Variants in SLC12A1 observed in about 807,000 individuals in gnomAD.
SLC12A1 encodes Na-K-2Cl cotransporter.
Under a neutral mutation model 130.4 loss-of-function variants are expected in SLC12A1, and 89 were observed. The ratio of observed to expected loss-of-function variants is 0.68; its 90% CI spans 0.58 to 0.81. The LOEUF (loss-of-function observed/expected upper bound fraction) is 0.81, where lower values mean the gene tolerates loss of function less well. SLC12A1 is among the 40% of genes least tolerant of loss of function. SLC12A1 has a pLI of 0.00. For missense variants in SLC12A1, 1,310 were observed against 1,336.4 expected (o/e 0.98, Z 0.31); for synonymous variants, 499 against 460.0 (o/e 1.08, Z -1.09).
intron 20 of SLC12A1, among the ~76,000 whole-genome samples, chr15:48,276,685 C>T (rs1400415214): frequency 2.6e-5 from 4 of 152,118 alleles, no homozygotes; most frequent in Non-Finnish European, 5.9e-5. Context: ...CTTGTTATGG[C>T]AGCCTGGGCG....
intron 16 of SLC12A1, among the ~76,000 whole-genome samples, chr15:48,256,127 C>G (rs2041704570): frequency 6.6e-6 from 1 of 152,202 alleles, no homozygotes; most frequent in South Asian, 2.1e-4. Flanking sequence ...TACAGCCCCT[C>G]ATAGTGCCAG....
intron 21 of SLC12A1, among the ~76,000 whole-genome samples, chr15:48,286,115 C>G (rs1423692426): frequency 6.6e-6 from 1 of 152,176 alleles, no homozygotes; most frequent in Non-Finnish European, 1.5e-5. Flanking sequence ...CGGCGCCAAC[C>G]CTTTAAAGAG....
chr15:48,216,411 T>G (rs2041122120), intron 2 of SLC12A1, among the ~76,000 whole-genome samples: 1 of 152,170 alleles, frequency 6.6e-6, no homozygotes, highest in African/African-American at 2.4e-5. Context: ...GATATTCTCA[T>G]CAATTCATAT....
chr15:48,259,736 A>T (rs1264331421), intron 17 of SLC12A1, among the ~76,000 whole-genome samples: 3 of 152,264 alleles, frequency 2.0e-5, no homozygotes, highest in Non-Finnish European at 4.4e-5. Flanking sequence ...CATAGAATTT[A>T]GATTAAATAT....
At chr15:48,210,344 G>T (rs1187570619) in intron 2 of SLC12A1, among the ~76,000 whole-genome samples, 1 of 152,064 alleles carries the variant, frequency 6.6e-6, no homozygotes, top group Non-Finnish European at 1.5e-5. Context: ...TAAAGTTAGT[G>T]TCACAATTTA....
At chr15:48,222,185 T>G (rs1171545806) in intron 4 of SLC12A1, 1 of 152,202 alleles carries the variant, frequency 6.6e-6, no homozygotes, top group Non-Finnish European at 1.5e-5. Context: ...CTCCAGGGTT[T>G]CATGCAAAAT....
In SLC12A1 at chr15:48,285,626, C is replaced by T. The variant is rs144528126; in HGVS notation, c.2629+377C>T. 3.1e-3 allele frequency among the ~76,000 whole-genome samples: 466 copies of T among 152,338 alleles called. 4 individuals are homozygous for T. The East Asian group carries it at 0.053, about 17-fold the overall frequency. ...AGACACCCTTACCTTTCAGACATTT[C>T]AGGGAACTGAAATACGACTAGTACA... is the stretch of plus-strand genomic sequence containing the variant. On this transcript the variant is annotated intron_variant, in intron 21 of 26. Coordinates refer to ENST00000380993, the MANE Select transcript of SLC12A1 (RefSeq NM_000338.3).
chr15:48,295,796 T>A (rs1457088168), intron 24 of SLC12A1, among the ~76,000 whole-genome samples: 2 of 152,158 alleles, frequency 1.3e-5, no homozygotes, highest in African/African-American at 2.4e-5. Flanking sequence ...GGAAGAGCCA[T>A]CCTCCTCTCT....
rs1054654115 is a variant in SLC12A1, at chr15:48,291,548, G to A, written c.2874-230G>A. Among the ~76,000 whole-genome samples, 28 of 152,112 alleles carry A rather than the reference G, an allele frequency of 1.8e-4. 1 individual carries two copies. Among genetic ancestry groups the A allele is most frequent in the Admixed American group, 6.6e-4 (10 of 15,264 alleles). ...CAGAGTTGGATTGGCTGTTGCCAGT[G>A]TCTGCACCTACAGGGGTTTCTTTAT... On this transcript the variant is annotated intron_variant, in intron 23 of 26. Transcript: ENST00000380993.
At position 48,291,843 on chromosome 15, in the gene SLC12A1, A is replaced by T. The variant is rs1489050788; in HGVS notation, c.2939A>T (p.Asn980Ile). The T allele has an allele frequency of 3.8e-6, 6 of 1,568,034 alleles. No individual in the cohort carries two copies. The highest frequency in any genetic ancestry group is 5.2e-6 in the Non-Finnish European group (6 of 1,154,026). The part of the protein sequence containing the change: ...FADIHIIGDI[N>I]IRPNKESWKV... The stretch of plus-strand genomic sequence containing the variant: ...GACATCCATATCATCGGTGACATCA[A>T]CATTAGGCCAAACAAAGAGAGGTAT... Residue 980 changes from asparagine (N) to isoleucine (I), a missense_variant, in exon 24 of 27, where the codon AAC (asparagine) becomes ATC (isoleucine). Coordinates refer to ENST00000380993, the MANE Select transcript of SLC12A1 (RefSeq NM_000338.3).
At chr15:48,299,512 G>C (rs2042210657) in intron 25 of SLC12A1, among the ~76,000 whole-genome samples, 1 of 152,106 alleles carries the variant, frequency 6.6e-6, no homozygotes. Context: ...TAGGTTATTG[G>C]TACATATTGT....
chr15:48,232,265 C>T (rs2041390205), intron 7 of SLC12A1, among the ~76,000 whole-genome samples: 1 of 152,224 alleles, frequency 6.6e-6, no homozygotes, highest in Non-Finnish European at 1.5e-5. Flanking sequence ...CAGCGGCAGC[C>T]TGACGTCAAG....
intron 15 of SLC12A1, among the ~76,000 whole-genome samples, chr15:48,254,344 G>A (rs575806533): frequency 6.6e-6 from 1 of 151,842 alleles, no homozygotes; most frequent in South Asian, 2.1e-4. Context: ...ACGTCCAATT[G>A]ACAAGTAGAG....
intron 20 of SLC12A1, among the ~76,000 whole-genome samples, chr15:48,275,138 CTT>C (rs1236064747): frequency 3.3e-5 from 5 of 152,252 alleles, no homozygotes; most frequent in African/African-American, 9.6e-5. Flanking sequence ...ATGAGTGACT[CTT>C]TGTTTTTTCC....
At chr15:48,281,719 T>C (rs981997609) in intron 20 of SLC12A1, among the ~76,000 whole-genome samples, 5 of 152,174 alleles carry the variant, frequency 3.3e-5, no homozygotes, top group Non-Finnish European at 5.9e-5. Flanking sequence ...AATGAGATAC[T>C]ATGTAGAAAG....
At chr15:48,231,669 G>A (rs1179269197) in intron 7 of SLC12A1, among the ~76,000 whole-genome samples, 1 of 152,114 alleles carries the variant, frequency 6.6e-6, no homozygotes, top group Non-Finnish European at 1.5e-5. Context: ...AAGAATGCAG[G>A]GAAAGTAAAT....
chr15:48,234,799 A>G, intron 8 of SLC12A1, 78 bp from the exon 9 acceptor site: 2 of 1,369,642 alleles, frequency 1.5e-6, no homozygotes. Context: ...ATTTAGGACT[A>G]GGGAAGCCAA....
chr15:48,302,670 A>G, intron 26 of SLC12A1, 80 bp from the exon 27 acceptor site: 1 of 805,196 alleles, frequency 1.2e-6, no homozygotes, highest in Non-Finnish European at 1.9e-6. Flanking sequence ...CCAGTTATTA[A>G]ATAGCTCAGA....
chr15:48,246,794 C>CAAG (rs386382919), intron 11 of SLC12A1, 115 bp from the exon 12 acceptor site: 30 of 820,976 alleles, frequency 3.7e-5, no homozygotes, highest in Non-Finnish European at 5.0e-5. Flanking sequence ...ACAACAACAA[C>CAAG]AAGAAAAGGA....
Sources: allele counts gnomAD v4.1 joint callset (sites outside exome capture counted in the v4.1 genomes callset), GRCh38; gene constraint gnomAD v4.1.1; transcripts MANE v1.5; gene names NCBI Gene and HGNC (gene_info 2026-07-23, HGNC 2026-07-21).